Variants in CADM2 observed in about 807,000 individuals in gnomAD.
CADM2 encodes the protein cell adhesion molecule 2, also known as immunoglobulin superfamily member 4D.
In CADM2, 12 loss-of-function variants were observed where a neutral mutation model predicts 49.8. That is an observed-to-expected ratio of 0.24 (90% confidence interval 0.15 to 0.39). The LOEUF (loss-of-function observed/expected upper bound fraction) is 0.39, where lower values mean the gene tolerates loss of function less well. Among genes scored for constraint, CADM2 ranks in the 10% least tolerant of loss-of-function variants. CADM2 has a pLI of 1.00. For missense variants in CADM2, 378 were observed against 492.3 expected (o/e 0.77, Z 2.20); for synonymous variants, 214 against 175.4 (o/e 1.22, Z -1.74).
rs1244059286 is a variant in CADM2 at position 85,635,389 on chromosome 3, A to C, written c.62-91133A>C. Among the ~76,000 whole-genome samples, 4 of 152,296 alleles carry C rather than the reference A, an allele frequency of 2.6e-5. 1 individual carries two copies. In the East Asian group the frequency reaches 7.7e-4, roughly 29 times the overall value. ...GGGTAAAAAATACTCTTACAGAATTAAGTGAATATGTTCAAAAAACTAGTC... is the reference window on the plus strand; with the variant it reads ...GGGTAAAAAATACTCTTACAGAATTCAGTGAATATGTTCAAAAAACTAGTC... On this transcript the variant is annotated intron_variant, in intron 1 of 9. Transcript: ENST00000383699.
intron 1 of CADM2, among the ~76,000 whole-genome samples, chr3:85,356,511 A>G (rs774845706): frequency 6.6e-6 from 1 of 152,118 alleles, no homozygotes; most frequent in Non-Finnish European, 1.5e-5. Context: ...AGTGGAAGCC[A>G]GATTTTAAGT....
chr3:85,495,394 G>A (rs776334663), intron 1 of CADM2, among the ~76,000 whole-genome samples: 9 of 152,110 alleles, frequency 5.9e-5, no homozygotes, highest in Non-Finnish European at 1.3e-4. Context: ...TGGACAGGGA[G>A]TGGATTCACA....
intron 8 of CADM2, among the ~76,000 whole-genome samples, chr3:86,019,789 G>A (rs1240351387): frequency 1.3e-5 from 2 of 152,032 alleles, no homozygotes; most frequent in Non-Finnish European, 2.9e-5. Flanking sequence ...CTGAGACAAT[G>A]GGGTTTTCTA....
intron 8 of CADM2, among the ~76,000 whole-genome samples, chr3:85,997,187 A>C (rs577499046): frequency 1.3e-5 from 2 of 152,370 alleles, no homozygotes; most frequent in African/African-American, 4.8e-5. Context: ...ATCACTTCTC[A>C]AGTTTAATCT....
At chr3:85,909,413 T>TATATATAC (rs1709517822) in intron 5 of CADM2, among the ~76,000 whole-genome samples, 1 of 150,354 alleles carries the variant, frequency 6.7e-6, no homozygotes, top group Non-Finnish European at 1.5e-5. Flanking sequence ...TATATATATA[T>TATATATAC]ATATATAATG....
intron 1 of CADM2, among the ~76,000 whole-genome samples, chr3:85,134,377 C>G (rs563908891): frequency 5.7e-4 from 87 of 152,330 alleles, no homozygotes; most frequent in African/African-American, 1.9e-3. Context: ...GAGGAGGCGC[C>G]GAGAGCGAGC....
At chr3:85,061,548 A>G (rs555479593) in intron 1 of CADM2, among the ~76,000 whole-genome samples, 1 of 152,192 alleles carries the variant, frequency 6.6e-6, no homozygotes, top group African/African-American at 2.4e-5. Context: ...CTATTTCCTT[A>G]AAGTCTATTA....
chr3:85,190,284 A>G (rs2041176507), intron 1 of CADM2, among the ~76,000 whole-genome samples: 2 of 151,932 alleles, frequency 1.3e-5, no homozygotes, highest in Non-Finnish European at 2.9e-5. Flanking sequence ...CTAAACCTAG[A>G]ACGTATTTTT....
intron 6 of CADM2, among the ~76,000 whole-genome samples, chr3:85,915,239 A>T (rs1379241039): frequency 6.6e-6 from 1 of 152,132 alleles, no homozygotes; most frequent in East Asian, 1.9e-4. Context: ...GAATTATCTA[A>T]TTTTTAAAGA....
chr3:85,165,952 A>C (rs976665543), intron 1 of CADM2, among the ~76,000 whole-genome samples: 34 of 151,706 alleles, frequency 2.2e-4, no homozygotes, highest in Admixed American at 1.5e-3. Flanking sequence ...GATAGATTGC[A>C]TCTTAAATCT....
chr3:85,167,206 G>A (rs1163751773), intron 1 of CADM2, among the ~76,000 whole-genome samples: 1 of 152,030 alleles, frequency 6.6e-6, no homozygotes, highest in Non-Finnish European at 1.5e-5. Context: ...AGGGTTTGAA[G>A]GAGATTTAAA....
chr3:85,518,422 C>CTT (rs35500944), intron 1 of CADM2, among the ~76,000 whole-genome samples: 3,364 of 142,554 alleles, frequency 0.024, 62 homozygotes, highest in Middle Eastern at 0.051. Flanking sequence ...ACAATCTAGG[C>CTT]TTTTTTTTTT....
intron 1 of CADM2, among the ~76,000 whole-genome samples, chr3:85,702,432 T>C (rs768927984): frequency 6.6e-6 from 1 of 152,156 alleles, no homozygotes; most frequent in Non-Finnish European, 1.5e-5. Context: ...TAAAAAATGA[T>C]TGTGAAAAGG....
intron 1 of CADM2, among the ~76,000 whole-genome samples, chr3:85,085,617 C>A (rs1433108593): frequency 6.6e-6 from 1 of 152,048 alleles, no homozygotes; most frequent in Non-Finnish European, 1.5e-5. Flanking sequence ...CTGCATATCA[C>A]TTCTTAGTTA....
intron 5 of CADM2, among the ~76,000 whole-genome samples, chr3:85,887,737 G>T (rs985750556): frequency 6.6e-5 from 10 of 152,204 alleles, no homozygotes; most frequent in African/African-American, 1.4e-4. Flanking sequence ...CTTGAATTCT[G>T]TCAAGGCTCA....
chr3:85,706,201 C>G (rs1404354144), intron 1 of CADM2, among the ~76,000 whole-genome samples: 1 of 152,090 alleles, frequency 6.6e-6, no homozygotes, highest in Non-Finnish European at 1.5e-5. Context: ...AAAGTGATTT[C>G]TGAATTAACT....
At chr3:85,470,698 G>C (rs552564580) in intron 1 of CADM2, among the ~76,000 whole-genome samples, 2 of 152,222 alleles carry the variant, frequency 1.3e-5, no homozygotes, top group African/African-American at 4.8e-5. Context: ...TAAGGAATGT[G>C]TTGCTGGATT....
At chr3:85,427,442 TCTTTTCAGAGTACAAA>T (rs1462566722) in intron 1 of CADM2, among the ~76,000 whole-genome samples, 11 of 152,094 alleles carry the variant, frequency 7.2e-5, no homozygotes, top group African/African-American at 2.4e-4. Context: ...GGTTTTAGCT[TCTTTTCAGAGTACAAA>T]AGATAACAGC....
chr3:85,061,951 A>T (rs2036334922), intron 1 of CADM2, among the ~76,000 whole-genome samples: 1 of 151,368 alleles, frequency 6.6e-6, no homozygotes, highest in African/African-American at 2.4e-5. Context: ...AAGAAAAAAA[A>T]TATTTCAAGA....
Sources: allele counts gnomAD v4.1 joint callset (sites outside exome capture counted in the v4.1 genomes callset), GRCh38; gene constraint gnomAD v4.1.1; transcripts MANE v1.5; gene names NCBI Gene and HGNC (gene_info 2026-07-23, HGNC 2026-07-21).